Variants in RTN1 observed in about 807,000 individuals in gnomAD.
RTN1 encodes reticulon 1, also known as reticulon-1.
In RTN1, 25 loss-of-function variants were observed where a neutral mutation model predicts 65.5. The ratio of observed to expected loss-of-function variants is 0.38; its 90% confidence interval spans 0.28 to 0.53. The LOEUF (loss-of-function observed/expected upper bound fraction) is 0.53. RTN1 is among the 20% of genes least tolerant of loss of function. The pLI is 0.79. For missense variants in RTN1, 983 were observed against 1,025.4 expected (o/e 0.96, Z 0.57); for synonymous variants, 471 against 447.6 (o/e 1.05, Z -0.66).
chr14:59,845,658 T>G (rs1030488201), intron 1 of RTN1, among the ~76,000 whole-genome samples: 1 of 152,206 alleles, frequency 6.6e-6, no homozygotes, highest in Admixed American at 6.5e-5. Context: ...AAGTTCCTAC[T>G]ATGGCCTGTT....
chr14:59,616,380 G>GA (rs1469238577), intron 3 of RTN1, among the ~76,000 whole-genome samples: 2 of 152,024 alleles, frequency 1.3e-5, no homozygotes, highest in Non-Finnish European at 2.9e-5. Flanking sequence ...TCATTTTGGT[G>GA]AAAATTGTTT....
rs1209315740 is a variant in RTN1, at chr14:59,727,058, G to T, written c.1626C>A (p.Ala542=). 6.2e-7 allele frequency: 1 copy of T among 1,613,116 alleles called. No homozygotes were observed. The highest frequency in any genetic ancestry group is 8.5e-7 in the Non-Finnish European group (1 of 1,179,630). ...GCAACATGGGCGTCTCAGGCTCCAG[G>T]GCTCCGTCTCCAGGGGGCAGCTCGG... ...PGPELPPGDG[A]LEPETPMLPR... Residue 542 remains alanine (A), a synonymous_variant, in exon 3 of 9, where the codon GCC becomes GCA. Transcript: ENST00000267484. The surrounding 1 kb of genome is among the most constrained non-coding windows in gnomAD (Gnocchi z 4.2).
intron 1 of RTN1, among the ~76,000 whole-genome samples, chr14:59,798,718 A>G (rs1476397247): frequency 6.6e-6 from 1 of 151,558 alleles, no homozygotes; most frequent in East Asian, 1.9e-4. Context: ...TTCTTAGCTT[A>G]ATCACTTCTG....
intron 1 of RTN1, among the ~76,000 whole-genome samples, chr14:59,811,781 G>A (rs1466019099): frequency 6.6e-6 from 1 of 152,182 alleles, no homozygotes; most frequent in Non-Finnish European, 1.5e-5. Flanking sequence ...GCTAGTATCT[G>A]TTTTAGTGAT....
intron 1 of RTN1, among the ~76,000 whole-genome samples, chr14:59,815,994 C>T (rs2139619156): frequency 6.6e-6 from 1 of 152,304 alleles, no homozygotes. Context: ...ACTTGTACCA[C>T]CTGCTCTTCG....
chr14:59,633,549 A>G (rs1882600292), intron 3 of RTN1, among the ~76,000 whole-genome samples: 1 of 152,252 alleles, frequency 6.6e-6, no homozygotes, highest in Non-Finnish European at 1.5e-5. Flanking sequence ...AGCTCTTGCC[A>G]AGATCAAAAC....
chr14:59,696,564 G>C (rs552260254), intron 3 of RTN1, among the ~76,000 whole-genome samples: 1 of 151,738 alleles, frequency 6.6e-6, no homozygotes, highest in East Asian at 1.9e-4. Context: ...TACTACAGCT[G>C]CATGAATGGA....
At position 59,794,296 on chromosome 14, in the gene RTN1, C is replaced by T. The variant is rs1886402242; in HGVS notation, c.242-47815G>A. Among the ~76,000 whole-genome samples, 1 of 152,126 alleles carries T rather than the reference C, an allele frequency of 6.6e-6. No homozygotes were observed. Among genetic ancestry groups the T allele is most frequent in the Non-Finnish European group, 1.5e-5 (1 of 68,020 alleles). On this transcript the variant is annotated intron_variant, in intron 1 of 8. Transcript: ENST00000267484. This position sits in a 1 kb window ranked among gnomAD's most constrained non-coding sequence, Gnocchi z 5.1. ...CTGTGCCCTTGAGTGTTAACAGAAACACGTCTAACCCAAGTATATTGTTAA... is the reference window on the plus strand; with the variant it reads ...CTGTGCCCTTGAGTGTTAACAGAAATACGTCTAACCCAAGTATATTGTTAA...
At chr14:59,621,752 T>C (rs1488871517) in intron 3 of RTN1, among the ~76,000 whole-genome samples, 2 of 152,224 alleles carry the variant, frequency 1.3e-5, no homozygotes, top group African/African-American at 4.8e-5. Flanking sequence ...AATTTTTGTT[T>C]TGGTAAAAAT....
chr14:59,751,176 G>T (rs948989821), intron 1 of RTN1, among the ~76,000 whole-genome samples: 3 of 149,084 alleles, frequency 2.0e-5, no homozygotes, highest in African/African-American at 7.4e-5. Flanking sequence ...ATCTCAGCTA[G>T]GCTTCTCATT....
chr14:59,746,353 T>G lies in RTN1; in HGVS notation c.370A>C (p.Thr124Pro). 6.2e-7 allele frequency: 1 copy of G among 1,614,100 alleles called. No homozygotes were observed. The highest frequency in any genetic ancestry group is 8.5e-7 in the Non-Finnish European group (1 of 1,180,018). Residue 124 changes from threonine (T) to proline (P), a missense_variant, in exon 2 of 9, where the codon ACT (threonine) becomes CCT (proline). Thr to Pro is a conservative substitution (Grantham distance 38). Transcript: ENST00000267484. ...YPPQEDSTYF[T>P]GILQKENGHV... Reference sequence around the variant, plus strand: ...CCATTTTCCTTCTGAAGAATTCCAGTAAAATATGTAGAATCCTCCTGAGGT... The same window carrying G: ...CCATTTTCCTTCTGAAGAATTCCAGGAAAATATGTAGAATCCTCCTGAGGT...
chr14:59,736,154 C>A (rs1884997308), intron 2 of RTN1, among the ~76,000 whole-genome samples: 2 of 151,824 alleles, frequency 1.3e-5, no homozygotes, highest in African/African-American at 4.8e-5. Context: ...AGCAAACAAA[C>A]CCCAAAGCTA....
At chr14:59,822,411 T>C (rs1044467231) in intron 1 of RTN1, among the ~76,000 whole-genome samples, 2 of 152,222 alleles carry the variant, frequency 1.3e-5, no homozygotes, top group African/African-American at 4.8e-5. Context: ...TTGTTCTTTA[T>C]TAATCTGGCT....
intron 1 of RTN1, among the ~76,000 whole-genome samples, chr14:59,760,562 A>C (rs923884428): frequency 5.9e-5 from 9 of 152,246 alleles, no homozygotes; most frequent in Admixed American, 5.2e-4. Context: ...AGAGTGTTGC[A>C]CAAACTATGA....
chr14:59,749,649 TTATATAGATATCTA>T, intron 1 of RTN1, among the ~76,000 whole-genome samples: 1 of 36,584 alleles, frequency 2.7e-5, no homozygotes, highest in East Asian at 6.4e-4. Context: ...CTATATATAT[TTATATAGATATCTA>T]TATATATTTA....
intron 3 of RTN1, chr14:59,630,762 G>C (rs1202611611): frequency 1.9e-6 from 2 of 1,075,014 alleles, no homozygotes; most frequent in Non-Finnish European, 2.2e-6. Context: ...CCACGCGACA[G>C]CGTTGGCTGG....
chr14:59,806,550 T>C lies in RTN1; in HGVS notation c.242-60069A>G, dbSNP rs116946860. On this transcript the variant is annotated intron_variant, in intron 1 of 8. Coordinates refer to ENST00000267484, the MANE Select transcript of RTN1 (RefSeq NM_021136.3). The stretch of plus-strand genomic sequence containing the variant: ...GTGTCATGGGGGTTTATAGTAAAGA[T>C]TATTTCATCATGCAGGTATTAAACC... 1.4e-3 allele frequency among the ~76,000 whole-genome samples: 209 copies of C among 152,268 alleles called. 7 individuals carry two copies. In the East Asian group the frequency reaches 0.037, roughly 27 times the overall value.
intron 1 of RTN1, among the ~76,000 whole-genome samples, chr14:59,757,983 T>G (rs1323561258): frequency 6.6e-6 from 1 of 152,158 alleles, no homozygotes; most frequent in Non-Finnish European, 1.5e-5. Context: ...ATATACACCA[T>G]AACAGTATTA....
At position 59,727,215 on chromosome 14, in the gene RTN1, A is replaced by T. The variant is rs530260250; in HGVS notation, c.1469T>A (p.Met490Lys). Reference sequence around the variant, plus strand: ...GATGGCATCCAGGGCGCTGGGCTTCATCGGGGGTGAGTCCTGCTCCCGCTT... The same window carrying T: ...GATGGCATCCAGGGCGCTGGGCTTCTTCGGGGGTGAGTCCTGCTCCCGCTT... ...SPKREQDSPP[M>K]KPSALDAIRE... The change falls in exon 3 of 9, where the codon ATG becomes AAG. Residue 490 changes from methionine (M) to lysine (K), a missense_variant. Physicochemically the swap from Met to Lys is moderately conservative, Grantham distance 95 (BLOSUM62 -1). This residue lies in a region of RTN1 where 818 missense variants were observed against 801.8 expected (regional missense o/e 1.02). Transcript: ENST00000267484. This position sits in a 1 kb window ranked among gnomAD's most constrained non-coding sequence, Gnocchi z 4.2. 1.9e-6 allele frequency: 3 copies of T among 1,571,128 alleles called. No homozygotes were observed. The highest frequency in any genetic ancestry group is 2.6e-6 in the Non-Finnish European group (3 of 1,158,644).
Sources: allele counts gnomAD v4.1 joint callset (sites outside exome capture counted in the v4.1 genomes callset), GRCh38; gene constraint gnomAD v4.1.1; regional missense constraint gnomAD v4.1.1; non-coding constraint Gnocchi (gnomAD v3.1); transcripts MANE v1.5; gene names NCBI Gene and HGNC (gene_info 2026-07-23, HGNC 2026-07-21).